The following SP100 variants were observed in gnomAD, a reference collection of about 807,000 sequenced individuals.
The protein encoded by SP100 is SP100 nuclear body protein.
SP100 carries 84 observed loss-of-function variants against 130.0 expected under a neutral mutation model. The observed-to-expected ratio is 0.65, with a 90% CI of 0.54 to 0.77. The LOEUF is 0.77. Ranked by LOEUF, SP100 falls within the 30% of genes least tolerant of loss-of-function variation. The pLI is 0.00. For synonymous variants in SP100, 331 were observed against 351.7 expected (o/e 0.94, Z 0.66); for missense variants, 978 against 1,052.2 (o/e 0.93, Z 0.97).
At chr2:230,440,599 C>A in intron 2 of SP100, 2 of 1,354,330 alleles carry the variant, frequency 1.5e-6, no homozygotes, top group Admixed American at 3.3e-5. Flanking sequence ...AGATTGGAAG[C>A]TCAATGTTGT....
At position 230,463,458 on chromosome 2, in the gene SP100, A is replaced by G. The variant is rs565046762; in HGVS notation, c.1058-609A>G. Among the ~76,000 whole-genome samples, 60 of 152,312 alleles carry G rather than the reference A, an allele frequency of 3.9e-4. 1 individual carries two copies. The highest frequency in any genetic ancestry group is 1.4e-3 in the African/African-American group (60 of 41,564). ...ACTTTAGGGAAAATACACTAGGGAAAGACCTAAGAGCAAAGAAGAACCTCA... is the reference window on the plus strand; with the variant it reads ...ACTTTAGGGAAAATACACTAGGGAAGGACCTAAGAGCAAAGAAGAACCTCA... On this transcript the variant is annotated intron_variant, in intron 10 of 28. Transcript: ENST00000340126.
chr2:230,531,469 A>G (rs903139259), intron 24 of SP100, among the ~76,000 whole-genome samples: 2 of 152,158 alleles, frequency 1.3e-5, no homozygotes, highest in African/African-American at 4.8e-5. Context: ...GCTAAAACCA[A>G]CATGGCACAT....
intron 8 of SP100, among the ~76,000 whole-genome samples, chr2:230,456,684 C>A (rs556314603): frequency 6.6e-6 from 1 of 152,078 alleles, no homozygotes; most frequent in Non-Finnish European, 1.5e-5. Flanking sequence ...ATGATCAATT[C>A]TGCTGTTGAT....
At chr2:230,434,330 G>C (rs926272435) in intron 2 of SP100, among the ~76,000 whole-genome samples, 2 of 152,166 alleles carry the variant, frequency 1.3e-5, no homozygotes, top group African/African-American at 4.8e-5. Context: ...TTTTCAGGTT[G>C]AGGAGTATGT....
intron 24 of SP100, among the ~76,000 whole-genome samples, chr2:230,526,100 C>T (rs973745999): frequency 6.6e-6 from 1 of 152,222 alleles, no homozygotes; most frequent in Non-Finnish European, 1.5e-5. Flanking sequence ...CAGACTGCCT[C>T]CTCAAGCGGG....
Position 230,541,371 on chromosome 2 carries a change from A to G in SP100, c.2402A>G (p.Tyr801Cys). The G allele has an allele frequency of 6.2e-7, 1 of 1,612,886 alleles. No homozygotes were observed. The highest frequency in any genetic ancestry group is 8.5e-7 in the Non-Finnish European group (1 of 1,178,916). The change falls in exon 27 of 29, where the codon TAT (tyrosine) becomes TGT (cysteine). Residue 801 changes from tyrosine to cysteine, a missense_variant and splice_region_variant. Tyr to Cys is a radical substitution (Grantham distance 194, BLOSUM62 -2). Coordinates refer to ENST00000340126, the MANE Select transcript of SP100 (RefSeq NM_001080391.2). ...TGCTTTTTCGCCTCAGAACCGTATT[A>G]TGTAAGTAACAGCCAAACAAAAATG... Reference protein sequence around the residue: ...KSCFFASEPYYNREGSQGPQK... With the variant: ...KSCFFASEPYCNREGSQGPQK...
intron 14 of SP100, 26 bp from the exon 15 acceptor site, chr2:230,469,989 T>C (rs758184282): frequency 6.2e-7 from 1 of 1,602,710 alleles, no homozygotes; most frequent in East Asian, 2.2e-5. Context: ...ACTAAGACTG[T>C]TAAGGAATTT....
chr2:230,437,226 C>T (rs569620453), intron 2 of SP100, among the ~76,000 whole-genome samples: 217 of 152,120 alleles, frequency 1.4e-3, no homozygotes, highest in Middle Eastern at 6.8e-3. Flanking sequence ...AATACGTTTT[C>T]TCCTTTTATT....
intron 15 of SP100, 77 bp downstream of exon 15, chr2:230,470,175 C>A: frequency 2.0e-6 from 3 of 1,530,322 alleles, no homozygotes; most frequent in Middle Eastern, 3.4e-4. Flanking sequence ...TTTCCAGACG[C>A]TTTTTATTCT....
intron 2 of SP100, among the ~76,000 whole-genome samples, chr2:230,430,267 T>A (rs956905560): frequency 3.3e-5 from 5 of 152,178 alleles, no homozygotes; most frequent in African/African-American, 1.2e-4. Flanking sequence ...TCTCTATGGT[T>A]GTTTGGATGT....
chr2:230,478,114 C>A (rs758196634), intron 17 of SP100, among the ~76,000 whole-genome samples: 1 of 151,996 alleles, frequency 6.6e-6, no homozygotes, highest in Non-Finnish European at 1.5e-5. Context: ...CTATGAATAT[C>A]TTTTTTTCTA....
chr2:230,416,370 A>G lies in SP100; in HGVS notation c.32+42A>G, dbSNP rs375951803. The G allele has an allele frequency of 5.1e-5, 80 of 1,575,258 alleles. No homozygotes were observed. In the African/African-American group the frequency reaches 7.5e-4, roughly 15 times the overall value. On this transcript the variant is annotated intron_variant, in intron 1 of 28. Coordinates refer to ENST00000340126, the MANE Select transcript of SP100 (RefSeq NM_001080391.2). Reference sequence around the variant, plus strand: ...CTTCCTTTAACCTTTATCTCTGGCTATATTGCAGCTTTCATGCCTTTAGTT... The same window carrying G: ...CTTCCTTTAACCTTTATCTCTGGCTGTATTGCAGCTTTCATGCCTTTAGTT...
intron 18 of SP100, among the ~76,000 whole-genome samples, chr2:230,494,697 G>A (rs1326315050): frequency 6.6e-6 from 1 of 152,130 alleles, no homozygotes; most frequent in East Asian, 1.9e-4. Context: ...CTTAACATGA[G>A]GTTTCCAACT....
chr2:230,520,023 G>A (rs112726618), intron 24 of SP100, among the ~76,000 whole-genome samples: 76 of 152,282 alleles, frequency 5.0e-4, no homozygotes, highest in African/African-American at 1.7e-3. Context: ...GTAATGTAGT[G>A]GATTAAGTGT....
rs114462589 is a variant in SP100 at position 230,531,434 on chromosome 2, G to A, written c.2095-7833G>A. Among the ~76,000 whole-genome samples, 1,469 of 152,018 alleles carry A rather than the reference G, an allele frequency of 9.7e-3. 15 individuals carry two copies. The highest frequency in any genetic ancestry group is 0.02 in the Middle Eastern group (6 of 294). ...GGCCTGTTGGGGGGTTGAGGGGCTG[G>A]GGGAGGGATAGCATTAGGAGAAATG... On this transcript the variant is annotated intron_variant, in intron 24 of 28. Coordinates refer to ENST00000340126, the MANE Select transcript of SP100 (RefSeq NM_001080391.2).
At chr2:230,449,461 T>C (rs941615864) in intron 6 of SP100, 100 bp from the exon 7 acceptor site, 2 of 1,369,552 alleles carry the variant, frequency 1.5e-6, no homozygotes, top group Admixed American at 1.7e-5. Flanking sequence ...CCTTGGTGCC[T>C]TGACCTTACG....
intron 18 of SP100, among the ~76,000 whole-genome samples, chr2:230,496,788 T>A (rs933301921): frequency 3.3e-5 from 5 of 152,172 alleles, no homozygotes; most frequent in African/African-American, 1.2e-4. Context: ...ACACTCCTGC[T>A]GGGGTCAACT....
intron 24 of SP100, among the ~76,000 whole-genome samples, chr2:230,521,681 T>C (rs1371523708): frequency 6.6e-6 from 1 of 152,086 alleles, no homozygotes; most frequent in Admixed American, 6.5e-5. Context: ...ACAACAGATT[T>C]TGGTTTCCTG....
intron 24 of SP100, among the ~76,000 whole-genome samples, chr2:230,527,849 G>A (rs149635883): frequency 6.0e-4 from 92 of 152,212 alleles, no homozygotes; most frequent in African/African-American, 2.1e-3. Context: ...ATTATATAAT[G>A]GTAAAGGAAT....
Sources: gnomAD v4.1 joint callset for allele counts (sites outside exome capture counted in the v4.1 genomes callset) on GRCh38, gnomAD v4.1.1 for gene constraint, MANE v1.5 for transcripts, NCBI Gene and HGNC (gene_info 2026-07-23, HGNC 2026-07-21) for gene names.